LINC00632: variants seen among roughly 807,000 people sequenced by gnomAD.
The protein encoded by LINC00632 is long independently transcribed non-coding RNA 632, also known as ALDOA related specific transcript.
chrX:140,725,116 TAC>T (rs759900180), intron 2 of LINC00632, among the ~76,000 whole-genome samples: 4 of 6,363 alleles, frequency 6.3e-4, no homozygotes, highest in South Asian at 0.012. Context: ...ACATTCCATA[TAC>T]ACACACATTC....
At chrX:140,717,156 T>C (rs1930646868) in intron 2 of LINC00632, among the ~76,000 whole-genome samples, 1 of 110,448 alleles carries the variant, frequency 9.1e-6, no homozygotes, top group African/African-American at 3.3e-5. Flanking sequence ...AATTTTTTTG[T>C]ATTTTTAGTA....
chrX:140,750,483 T>C (rs1370353174), intron 3 of LINC00632, among the ~76,000 whole-genome samples: 1 of 111,390 alleles, frequency 9.0e-6, no homozygotes, highest in Non-Finnish European at 1.9e-5. Flanking sequence ...TAATACATAT[T>C]AAATGTATTA....
intron 3 of LINC00632, among the ~76,000 whole-genome samples, chrX:140,745,501 G>T (rs1414957226): frequency 9.0e-6 from 1 of 111,161 alleles, no homozygotes; most frequent in Admixed American, 9.7e-5. Flanking sequence ...AGCATTCCTG[G>T]TGAGTCTGAC....
At chrX:140,779,219 G>A (rs979533180) in exon 5 of LINC00632, among the ~76,000 whole-genome samples, 5 of 108,461 alleles carry the variant, frequency 4.6e-5, no homozygotes, top group Admixed American at 1.0e-4. Flanking sequence ...TGGAAATTTC[G>A]TTCTTTATAG....
At chrX:140,713,661 G>A (rs199790305) in intron 2 of LINC00632, 23 of 339,727 alleles carry the variant, frequency 6.8e-5, no homozygotes, top group Admixed American at 1.6e-4. Context: ...TTGCCTTCCA[G>A]TACACAGACA....
At chrX:140,711,232 A>C (rs962000224) in intron 1 of LINC00632, among the ~76,000 whole-genome samples, 12 of 111,555 alleles carry the variant, frequency 1.1e-4, no homozygotes, top group Admixed American at 1.1e-3. Context: ...GTAAATTTTG[A>C]ATAATGTAAA....
chrX:140,715,609 A>T lies in LINC00632; in HGVS notation n.104+3953A>T, dbSNP rs754211579. Among the ~76,000 whole-genome samples, 511 of 110,106 alleles carry T rather than the reference A, an allele frequency of 4.6e-3. 2 individuals are homozygous for T. Among genetic ancestry groups the T allele is most frequent in the African/African-American group, 0.016 (469 of 30,257 alleles). On this transcript the variant is annotated intron_variant and non_coding_transcript_variant, in intron 2 of 4. Coordinates refer to ENST00000648200, the Ensembl canonical transcript of LINC00632. The stretch of plus-strand genomic sequence containing the variant: ...GACTTCGTCTAAAAAAAAAAGAAAG[A>T]AAGAAAGAAACAAACAAGAAAACAA...
intron 2 of LINC00632, among the ~76,000 whole-genome samples, chrX:140,716,675 A>C (rs1052041987): frequency 9.2e-6 from 1 of 109,047 alleles, no homozygotes; most frequent in Non-Finnish European, 1.9e-5. Context: ...ACTAGTAACA[A>C]ATTTGTGCAC....
exon 5 of LINC00632, among the ~76,000 whole-genome samples, chrX:140,788,813 TCTATATTCCATATATACACATATATG>T: frequency 1.0e-5 from 1 of 96,043 alleles, no homozygotes; most frequent in Non-Finnish European, 2.0e-5. Flanking sequence ...CATATATGTA[TCTATATTCCATATATACACATATATG>T]TATATATGTA....
chrX:140,755,144 G>A (rs1260751813), intron 3 of LINC00632, among the ~76,000 whole-genome samples: 5 of 112,110 alleles, frequency 4.5e-5, no homozygotes, highest in African/African-American at 1.6e-4. Flanking sequence ...TTCTGATCCT[G>A]GTAAGTCACA....
At chrX:140,711,779 A>AT (rs1252279053) in intron 2 of LINC00632, 2 of 144,789 alleles carry the variant, frequency 1.4e-5, no homozygotes, top group Middle Eastern at 8.0e-4. Context: ...TATGGTGGTG[A>AT]TTTTTTGATA....
intron 3 of LINC00632, among the ~76,000 whole-genome samples, chrX:140,743,499 T>C (rs1207720427): frequency 1.8e-5 from 2 of 110,377 alleles, no homozygotes; most frequent in Non-Finnish European, 3.8e-5. Flanking sequence ...CTACCCTGAA[T>C]AGTAATGCAT....
chrX:140,783,784 T>G, exon 5 of LINC00632: 1 of 1,209,746 alleles, frequency 8.3e-7, no homozygotes, highest in South Asian at 1.8e-5. Context: ...TTCCTGAAGA[T>G]CCACGTCTTC....
rs137942978 is a variant in LINC00632 at position 140,736,969 on chromosome X, G to A, written n.191+3005G>A. On this transcript the variant is annotated intron_variant and non_coding_transcript_variant, in intron 3 of 4. Transcript: ENST00000648200. ...GGCTGGAGTGCAGTGGTGCAATCTC[G>A]GCTCATTGCACCCTCTGCCTCCCGG... 2.6e-3 allele frequency among the ~76,000 whole-genome samples: 260 copies of A among 99,188 alleles called. 1 individual carries two copies. The highest frequency in any genetic ancestry group is 8.4e-3 in the African/African-American group (223 of 26,568). The allele number at this position is 99,188 out of a possible 115,157, so 86.1% of individuals were successfully genotyped here.
chrX:140,762,587 A>G (rs1404624424), intron 3 of LINC00632, among the ~76,000 whole-genome samples: 4 of 112,467 alleles, frequency 3.6e-5, no homozygotes, highest in Non-Finnish European at 7.5e-5. Context: ...GTCTTCATCT[A>G]TATCAGGGAT....
exon 5 of LINC00632, among the ~76,000 whole-genome samples, chrX:140,788,671 A>G (rs17002494): frequency 0.035 from 3,822 of 108,995 alleles, 180 homozygotes; most frequent in African/African-American, 0.12. Flanking sequence ...TTGAAAATAC[A>G]TAACAGGGAG....
exon 5 of LINC00632, among the ~76,000 whole-genome samples, chrX:140,774,923 C>T (rs1173075213): frequency 1.8e-5 from 2 of 111,547 alleles, no homozygotes; most frequent in East Asian, 5.6e-4. Flanking sequence ...TGATTTTGTA[C>T]TCCTGAAATT....
chrX:140,731,018 C>T (rs1931047303), intron 2 of LINC00632, among the ~76,000 whole-genome samples: 1 of 110,097 alleles, frequency 9.1e-6, no homozygotes, highest in African/African-American at 3.3e-5. Context: ...TCTTCTGCCT[C>T]GGCCTCCCAA....
At chrX:140,767,251 T>A (rs1931707525) in intron 3 of LINC00632, among the ~76,000 whole-genome samples, 1 of 111,436 alleles carries the variant, frequency 9.0e-6, no homozygotes, top group Admixed American at 9.6e-5. Flanking sequence ...AATTTCCTCA[T>A]CTATAAAATA....
Sources: gnomAD v4.1 joint callset for allele counts (sites outside exome capture counted in the v4.1 genomes callset) on GRCh38, gnomAD v4.1.1 for gene constraint, MANE v1.5 for transcripts, NCBI Gene and HGNC (gene_info 2026-07-23, HGNC 2026-07-21) for gene names.